Variants in PSMA1 observed in about 807,000 individuals in gnomAD.
PSMA1 encodes proteasome 20S subunit alpha 1, also known as proteasome subunit alpha type-1.
In PSMA1, 3 loss-of-function variants were observed where a neutral mutation model predicts 38.4. The observed-to-expected ratio is 0.08, with a 90% CI of 0.04 to 0.20. The LOEUF (loss-of-function observed/expected upper bound fraction) is 0.20. PSMA1 is among the 10% of genes least tolerant of loss of function. The pLI, the probability that PSMA1 is intolerant of heterozygous loss-of-function variation, is 1.00. For synonymous variants in PSMA1, 101 were observed against 107.1 expected, an observed-to-expected ratio of 0.94 and a Z score of 0.35; for missense variants, 227 against 325.3, an observed-to-expected ratio of 0.70 and a Z score of 2.32.
chr11:14,625,465 C>T (rs865923759), intron 1 of PSMA1, among the ~76,000 whole-genome samples: 1 of 152,126 alleles, frequency 6.6e-6, no homozygotes, highest in Admixed American at 6.6e-5. Flanking sequence ...GAAAATTTGT[C>T]ACTCAAATCT....
At chr11:14,531,141 T>C (rs1230772931) in intron 2 of PSMA1, among the ~76,000 whole-genome samples, 2 of 152,150 alleles carry the variant, frequency 1.3e-5, no homozygotes, top group Non-Finnish European at 2.9e-5. Context: ...TTTTTTTTCC[T>C]TTTTTCAACT....
chr11:14,567,583 T>A (rs558130597), intron 2 of PSMA1, among the ~76,000 whole-genome samples: 1 of 152,236 alleles, frequency 6.6e-6, no homozygotes, highest in Non-Finnish European at 1.5e-5. Context: ...CAAAATTTAT[T>A]TGTAGCCCAA....
At chr11:14,568,931 AGGCTGCACAGAGTAGGGG>A (rs1188049844) in intron 2 of PSMA1, among the ~76,000 whole-genome samples, 2 of 152,186 alleles carry the variant, frequency 1.3e-5, no homozygotes, top group African/African-American at 2.4e-5. Context: ...CCATGTTGTG[AGGCTGCACAGAGTAGGGG>A]GGCCCTAGGC....
intron 1 of PSMA1, among the ~76,000 whole-genome samples, chr11:14,631,230 C>A (rs1339818373): frequency 6.6e-6 from 1 of 152,082 alleles, no homozygotes; most frequent in East Asian, 1.9e-4. Context: ...TTTGCTCTTG[C>A]TTTTCTAGTT....
chr11:14,577,954 C>T (rs1852238427), intron 2 of PSMA1, among the ~76,000 whole-genome samples: 1 of 152,060 alleles, frequency 6.6e-6, no homozygotes, highest in Admixed American at 6.6e-5. Flanking sequence ...CATATTCACT[C>T]ATATTGAGAA....
chr11:14,601,205 C>T (rs1852576558), intron 2 of PSMA1, among the ~76,000 whole-genome samples: 1 of 152,162 alleles, frequency 6.6e-6, no homozygotes, highest in South Asian at 2.1e-4. Flanking sequence ...TCAGTGCTAA[C>T]TCAAGGGTGC....
chr11:14,549,649 C>T (rs958998968), intron 2 of PSMA1, among the ~76,000 whole-genome samples: 10 of 149,452 alleles, frequency 6.7e-5, no homozygotes, highest in African/African-American at 1.5e-4. Context: ...TGCAGTGAGC[C>T]GAGATCGTGC....
chr11:14,552,432 T>G (rs941945034), intron 2 of PSMA1, among the ~76,000 whole-genome samples: 1 of 152,236 alleles, frequency 6.6e-6, no homozygotes, highest in African/African-American at 2.4e-5. Context: ...AACTTGTTTT[T>G]TTCTTGCACA....
At chr11:14,643,258 T>C (rs1853243826) in intron 1 of PSMA1, among the ~76,000 whole-genome samples, 1 of 151,938 alleles carries the variant, frequency 6.6e-6, no homozygotes, top group Non-Finnish European at 1.5e-5. Flanking sequence ...GCCATGGCCT[T>C]GGTGGTGGCT....
chr11:14,606,885 A>T (rs1400251860), intron 2 of PSMA1, among the ~76,000 whole-genome samples: 1 of 152,208 alleles, frequency 6.6e-6, no homozygotes, highest in African/African-American at 2.4e-5. Context: ...AGAATTGAGG[A>T]TGTGGCTTAG....
chr11:14,634,951 T>C (rs1853093455), intron 1 of PSMA1, among the ~76,000 whole-genome samples: 1 of 152,236 alleles, frequency 6.6e-6, no homozygotes, highest in African/African-American at 2.4e-5. Flanking sequence ...GCCCACAGTT[T>C]ATTTTGAAAC....
chr11:14,514,493 TA>T lies in PSMA1; in HGVS notation c.255-3del, dbSNP rs990949453. On this transcript the variant is annotated splice_polypyrimidine_tract_variant and splice_region_variant and intron_variant, in intron 4 of 9. Transcript: ENST00000396394. ...AAACACTCCTGACGCATAAAATTACTAAAAAAGAAACAAAAAAAGTTTAGTA... is the reference window on the plus strand; with the variant it reads ...AAACACTCCTGACGCATAAAATTACTAAAAAGAAACAAAAAAAGTTTAGTA... 3.9e-6 allele frequency: 6 copies of T among 1,544,148 alleles called. No homozygotes were observed. Among genetic ancestry groups the T allele is most frequent in the Non-Finnish European group, 5.2e-6 (6 of 1,152,082 alleles).
At chr11:14,560,797 C>A (rs545676056) in intron 2 of PSMA1, among the ~76,000 whole-genome samples, 1 of 152,290 alleles carries the variant, frequency 6.6e-6, no homozygotes, top group Non-Finnish European at 1.5e-5. Context: ...TATAAAGTAG[C>A]ACCTCAGTTG....
intron 2 of PSMA1, among the ~76,000 whole-genome samples, chr11:14,579,577 G>A (rs190130677): frequency 2.8e-5 from 4 of 144,492 alleles, no homozygotes; most frequent in South Asian, 2.2e-4. Context: ...GCCAACTTTC[G>A]ACCAACTATA....
rs201665923 is a variant in PSMA1 at position 14,534,185 on chromosome 11, AATAC to A, written c.22-15148_22-15145del. ...AACAAGAGCAAAACTCTGCCTCAAA[AATAC>A]ATACATACATACATACATAAATAAA... On this transcript the variant is annotated intron_variant, in intron 2 of 10. Transcript: ENST00000418988. This position sits in a 1 kb window ranked among gnomAD's most constrained non-coding sequence, Gnocchi z 4.5. 7.9e-4 allele frequency among the ~76,000 whole-genome samples: 121 copies of A among 152,234 alleles called. No homozygotes were observed. In the East Asian group the frequency reaches 0.016, roughly 20 times the overall value.
At chr11:14,580,543 C>A (rs1852271300) in intron 2 of PSMA1, among the ~76,000 whole-genome samples, 1 of 152,204 alleles carries the variant, frequency 6.6e-6, no homozygotes, top group Non-Finnish European at 1.5e-5. Context: ...TTAACTTCCC[C>A]TGAGTCCAGT....
At chr11:14,617,685 G>GTA (rs3087097) in intron 1 of PSMA1, among the ~76,000 whole-genome samples, 7,405 of 144,686 alleles carry the variant, frequency 0.051, 378 homozygotes, top group East Asian at 0.26. Context: ...ATATATATAC[G>GTA]TATATATATA....
At chr11:14,532,873 CAG>C (rs1468112179) in intron 2 of PSMA1, among the ~76,000 whole-genome samples, 2 of 150,270 alleles carry the variant, frequency 1.3e-5, no homozygotes, top group African/African-American at 4.9e-5. Flanking sequence ...GCCTGGGTGA[CAG>C]AGCAAGACTC....
At chr11:14,540,313 C>A (rs1165617563) in intron 2 of PSMA1, among the ~76,000 whole-genome samples, 1 of 152,194 alleles carries the variant, frequency 6.6e-6, no homozygotes, top group South Asian at 2.1e-4. Context: ...GGGTGACACT[C>A]CTCCCAGTTG....
Sources: gnomAD v4.1 joint callset for allele counts (sites outside exome capture counted in the v4.1 genomes callset) on GRCh38, gnomAD v4.1.1 for gene constraint, Gnocchi (gnomAD v3.1) non-coding constraint, MANE v1.5 for transcripts, NCBI Gene and HGNC (gene_info 2026-07-23, HGNC 2026-07-21) for gene names.